TMTC4: variants seen among roughly 807,000 people sequenced by gnomAD.
TMTC4 encodes the protein protein O-mannosyl-transferase TMTC4.
In TMTC4, 65 loss-of-function variants were observed where a neutral mutation model predicts 86.0. That is an observed-to-expected ratio of 0.76 (90% confidence interval 0.62 to 0.93). TMTC4 has a LOEUF of 0.93. Among genes scored for constraint, TMTC4 ranks in the 40% least tolerant of loss-of-function variants. The pLI, the probability that TMTC4 is intolerant of heterozygous loss-of-function variation, is 0.00. For synonymous variants in TMTC4, 379 were observed against 382.5 expected (o/e 0.99, Z 0.11); for missense variants, 866 against 948.1 (o/e 0.91, Z 1.14).
chr13:100,623,604 T>C (rs1381941067), intron 15 of TMTC4, among the ~76,000 whole-genome samples: 1 of 151,282 alleles, frequency 6.6e-6, no homozygotes, highest in Non-Finnish European at 1.5e-5. Flanking sequence ...GGTGGGACGG[T>C]CTGGATGCAT....
At chr13:100,665,156 C>A (rs896079334) in intron 3 of TMTC4, among the ~76,000 whole-genome samples, 2 of 151,986 alleles carry the variant, frequency 1.3e-5, no homozygotes, top group African/African-American at 2.4e-5. Flanking sequence ...TAATTTGGTA[C>A]TATACTACAG....
intron 12 of TMTC4, among the ~76,000 whole-genome samples, chr13:100,632,903 GAT>G: frequency 6.6e-6 from 1 of 152,280 alleles, no homozygotes; most frequent in Non-Finnish European, 1.5e-5. Context: ...ATTATTTCAT[GAT>G]AATAATCTAT....
intron 12 of TMTC4, among the ~76,000 whole-genome samples, chr13:100,630,027 ATGTGTGTGTGTGTGTG>A (rs71121125): frequency 8.7e-5 from 4 of 46,106 alleles, no homozygotes; most frequent in Non-Finnish European, 1.1e-4. Flanking sequence ...ATCTGTGTGT[ATGTGTGTGTGTGTGTG>A]TGTGTGTGTG....
At position 100,623,640 on chromosome 13, in the gene TMTC4, G is replaced by GTTTTTTTTTTTTTTTTTTT. The variant is rs71200708; in HGVS notation, c.1836+1894_1836+1895insAAAAAAAAAAAAAAAAAAA. On this transcript the variant is annotated intron_variant, in intron 15 of 18. Coordinates refer to ENST00000342624, the MANE Select transcript of TMTC4 (RefSeq NM_032813.5). ...GTCAGTTTTGGAAACTACTAGTTGGGTTTTGTTTTTTTTTTTTTTTTTTTT... is the reference window on the plus strand; with the variant it reads ...GTCAGTTTTGGAAACTACTAGTTGGGTTTTTTTTTTTTTTTTTTTTTTTGTTTTTTTTTTTTTTTTTTTT... Among the ~76,000 whole-genome samples, 6 of 96,166 alleles carry GTTTTTTTTTTTTTTTTTTT rather than the reference G, an allele frequency of 6.2e-5. 3 individuals carry two copies. Among genetic ancestry groups the GTTTTTTTTTTTTTTTTTTT allele is most frequent in the Admixed American group, 3.0e-4 (2 of 6,774 alleles). 63.1% of individuals were successfully genotyped at this position (96,166 alleles called of 152,430 possible).
chr13:100,663,631 C>T lies in TMTC4; in HGVS notation c.336-451G>A, dbSNP rs372945031. On this transcript the variant is annotated intron_variant, in intron 4 of 18. Transcript: ENST00000342624. ...AGTATGCCCACCAGCCTTCCCCCAA[C>T]GAAACACCCTCCGCTGGCAGGGATT... Among the ~76,000 whole-genome samples the T allele has an allele frequency of 7.9e-5, 12 of 152,308 alleles. 1 individual carries two copies. The highest frequency in any genetic ancestry group is 6.2e-4 in the South Asian group (3 of 4,832).
At chr13:100,639,370 C>G (rs1181829200) in intron 7 of TMTC4, among the ~76,000 whole-genome samples, 1 of 152,116 alleles carries the variant, frequency 6.6e-6, no homozygotes, top group East Asian at 1.9e-4. Context: ...CACAGAAGAC[C>G]GTTTCTGCCT....
intron 1 of TMTC4, chr13:100,674,286 A>G: frequency 1.0e-6 from 1 of 978,746 alleles, no homozygotes; most frequent in South Asian, 4.7e-5. Context: ...CAGGCGGCCA[A>G]GCGGCCCGGC....
chr13:100,640,610 G>A (rs1882884245), intron 7 of TMTC4, among the ~76,000 whole-genome samples: 1 of 152,032 alleles, frequency 6.6e-6, no homozygotes, highest in South Asian at 2.1e-4. Flanking sequence ...CCCAAGGCTA[G>A]GAGTTTGAGA....
At chr13:100,607,249 G>C (rs1202914860) in intron 17 of TMTC4, among the ~76,000 whole-genome samples, 1 of 152,202 alleles carries the variant, frequency 6.6e-6, no homozygotes, top group Admixed American at 6.5e-5. Flanking sequence ...GGGCATGGTG[G>C]CTCATGCCTG....
intron 15 of TMTC4, among the ~76,000 whole-genome samples, chr13:100,618,905 G>A (rs892196840): frequency 5.3e-5 from 8 of 152,092 alleles, no homozygotes; most frequent in African/African-American, 1.4e-4. Context: ...ACACAGACAC[G>A]GCAACCATCC....
At chr13:100,640,649 T>C (rs1205050207) in intron 7 of TMTC4, among the ~76,000 whole-genome samples, 3 of 151,794 alleles carry the variant, frequency 2.0e-5, no homozygotes, top group Non-Finnish European at 4.4e-5. Context: ...GGAGACCCCA[T>C]CTCCACAAAA....
intron 17 of TMTC4, among the ~76,000 whole-genome samples, chr13:100,610,823 TGGA>T (rs921620936): frequency 2.6e-5 from 4 of 152,316 alleles, no homozygotes; most frequent in South Asian, 2.1e-4. Flanking sequence ...GCTGGGTCAC[TGGA>T]GGAGAACTGA....
intron 5 of TMTC4, among the ~76,000 whole-genome samples, chr13:100,661,437 T>A (rs1462844798): frequency 1.3e-5 from 2 of 152,242 alleles, no homozygotes. Context: ...TCATTTTGCT[T>A]TTAAGATCAC....
At position 100,670,464 on chromosome 13, in the gene TMTC4, C is replaced by T. The variant is rs1051850886; in HGVS notation, c.-102G>A. 7.6e-7 allele frequency: 1 copy of T among 1,323,360 alleles called. No individual in the cohort carries two copies. The highest frequency in any genetic ancestry group is 1.0e-6 in the Non-Finnish European group (1 of 962,780). The allele number at this position is 1,323,360 out of a possible 1,614,324, so 82.0% of individuals were successfully genotyped here. ...CTCTTCCACTGCTTGTCTCTCGAGC[C>T]TCACAGCCTGGCATACGGCATGCTC... On this transcript the variant is annotated 5_prime_UTR_variant, in exon 2 of 19. Transcript: ENST00000342624.
intron 6 of TMTC4, among the ~76,000 whole-genome samples, chr13:100,647,058 A>G (rs983015756): frequency 2.6e-5 from 4 of 152,196 alleles, no homozygotes; most frequent in African/African-American, 4.8e-5. Flanking sequence ...TCCATGCCAG[A>G]GCCTCGGAGA....
intron 15 of TMTC4, chr13:100,615,053 G>T: frequency 2.1e-6 from 1 of 472,080 alleles, no homozygotes; most frequent in Non-Finnish European, 2.8e-6. Flanking sequence ...AAACCTCTTG[G>T]CAATTTTGAG....
chr13:100,666,194 A>C (rs1341893117), intron 3 of TMTC4: 5 of 369,250 alleles, frequency 1.4e-5, no homozygotes, highest in Non-Finnish European at 2.7e-5. Context: ...CCACTGTCTC[A>C]AAGAAGATCA....
intron 12 of TMTC4, 40 bp downstream of exon 12, chr13:100,634,765 C>T: frequency 6.2e-7 from 1 of 1,601,214 alleles, no homozygotes; most frequent in Middle Eastern, 1.7e-4. Context: ...AACAGATACC[C>T]TAGTAAGGTC....
At chr13:100,638,092 A>T in intron 7 of TMTC4, 70 bp from the exon 8 acceptor site, 3 of 1,163,124 alleles carry the variant, frequency 2.6e-6, no homozygotes. Flanking sequence ...TACACTTCAC[A>T]ATTTCATTAC....
Sources: gnomAD v4.1 joint callset for allele counts (sites outside exome capture counted in the v4.1 genomes callset) on GRCh38, gnomAD v4.1.1 for gene constraint, MANE v1.5 for transcripts, NCBI Gene and HGNC (gene_info 2026-07-23, HGNC 2026-07-21) for gene names.